The following CILK1 variants were observed in gnomAD, a reference collection of about 807,000 sequenced individuals.
CILK1 encodes the protein serine/threonine-protein kinase ICK.
Under a neutral mutation model 79.2 loss-of-function variants are expected in CILK1, and 47 were observed. The ratio of observed to expected loss-of-function variants is 0.59; its 90% CI spans 0.47 to 0.76. CILK1 has a LOEUF of 0.76. Among genes scored for constraint, CILK1 ranks in the 30% least tolerant of loss-of-function variants. The pLI, the probability that CILK1 is intolerant of heterozygous loss-of-function variation, is 0.00. For missense variants in CILK1, 660 were observed against 769.5 expected, an observed-to-expected ratio of 0.86 and a Z score of 1.68; for synonymous variants, 266 against 275.9, an observed-to-expected ratio of 0.96 and a Z score of 0.36.
chr6:53,025,052 C>T (rs1381402286), intron 5 of CILK1, among the ~76,000 whole-genome samples: 1 of 152,034 alleles, frequency 6.6e-6, no homozygotes, highest in Non-Finnish European at 1.5e-5. Flanking sequence ...AAGCTGGTCT[C>T]CAACTCCTGG....
chr6:53,020,290 AAT>A (rs2127421623), intron 5 of CILK1, among the ~76,000 whole-genome samples: 1 of 152,310 alleles, frequency 6.6e-6, no homozygotes, highest in Non-Finnish European at 1.5e-5. Context: ...AGTGAATTGC[AAT>A]ATATGTCTCT....
At chr6:53,021,653 T>G (rs1176959710) in intron 5 of CILK1, among the ~76,000 whole-genome samples, 1 of 152,180 alleles carries the variant, frequency 6.6e-6, no homozygotes, top group African/African-American at 2.4e-5. Context: ...TGTACAGTCA[T>G]GCACTGCATA....
At chr6:53,039,295 G>A (rs889552863) in intron 2 of CILK1, among the ~76,000 whole-genome samples, 14 of 152,292 alleles carry the variant, frequency 9.2e-5, no homozygotes, top group East Asian at 1.9e-4. Flanking sequence ...TGAACCTGAC[G>A]GGAGCAGTGG....
At chr6:53,028,699 T>C (rs1485484475) in intron 5 of CILK1, among the ~76,000 whole-genome samples, 1 of 152,202 alleles carries the variant, frequency 6.6e-6, no homozygotes, top group African/African-American at 2.4e-5. Flanking sequence ...CTCCATAAAC[T>C]GAGCCTTCCC....
rs1470334251 is a variant in CILK1, at chr6:53,049,441, T to G, written c.-172-8033A>C. 6.6e-5 allele frequency among the ~76,000 whole-genome samples: 10 copies of G among 152,334 alleles called. No homozygotes were observed. The East Asian group carries it at 1.9e-3, about 29-fold the overall frequency. On this transcript the variant is annotated intron_variant, in intron 1 of 13. Coordinates refer to ENST00000676107, the MANE Select transcript of CILK1 (RefSeq NM_014920.5). ...GCTTCCATTTTGAAAGAAAATAAGA[T>G]GCAAGTAAGATACAAACCTATTGTG...
At chr6:53,054,960 T>C (rs1301110676) in intron 1 of CILK1, among the ~76,000 whole-genome samples, 1 of 152,236 alleles carries the variant, frequency 6.6e-6, no homozygotes, top group Non-Finnish European at 1.5e-5. Flanking sequence ...TCATTCTTTA[T>C]TTTGAAACCT....
intron 11 of CILK1, among the ~76,000 whole-genome samples, 191 bp downstream of exon 11, chr6:53,011,578 G>A (rs967428050): frequency 1.3e-5 from 2 of 152,120 alleles, no homozygotes; most frequent in Non-Finnish European, 2.9e-5. Flanking sequence ...CAGCCTGGGT[G>A]GCAGAGAGAG....
intron 3 of CILK1, among the ~76,000 whole-genome samples, chr6:53,035,251 C>A (rs751762959): frequency 6.6e-6 from 1 of 151,588 alleles, no homozygotes; most frequent in Non-Finnish European, 1.5e-5. Flanking sequence ...GGGAGAAGGG[C>A]TTGGGACTTT....
intron 5 of CILK1, among the ~76,000 whole-genome samples, 194 bp from the exon 6 acceptor site, chr6:53,019,553 T>C (rs1216398005): frequency 6.6e-6 from 1 of 152,258 alleles, no homozygotes; most frequent in African/African-American, 2.4e-5. Flanking sequence ...TTCATTTCCC[T>C]TTGCAAATCA....
intron 11 of CILK1, among the ~76,000 whole-genome samples, chr6:53,011,033 A>C (rs1346637755): frequency 1.3e-5 from 2 of 152,254 alleles, no homozygotes; most frequent in African/African-American, 4.8e-5. Flanking sequence ...TGAATGATTC[A>C]CTAATGCTGT....
At position 53,043,265 on chromosome 6, in the gene CILK1, G is replaced by A. The variant is rs1766829839; in HGVS notation, c.-172-1857C>T. ...CGGGAGGCACAGGCTGCAGTGAGCC[G>A]AGATCACGCCACTGCACGCCAGCCT... On this transcript the variant is annotated intron_variant, in intron 1 of 13. Transcript: ENST00000676107. 1.3e-5 allele frequency among the ~76,000 whole-genome samples: 2 copies of A among 151,912 alleles called. 1 individual carries two copies. The highest frequency in any genetic ancestry group is 4.2e-4 in the South Asian group (2 of 4,814).
rs767292630 is a variant in CILK1, at chr6:53,019,348, G to C, written c.370C>G (p.Arg124Gly). The C allele has an allele frequency of 6.2e-7, 1 of 1,614,048 alleles. No homozygotes were observed. The highest frequency in any genetic ancestry group is 1.7e-5 in the Admixed American group (1 of 60,030). ...AGGAGGTTCTCAGGCTTTAAGTCTC[G>C]ATGAAAGAAGCCTATAGAGACAGTA... is the stretch of plus-strand genomic sequence containing the variant. ...AFIHKHGFFH[R>G]DLKPENLLCM... The change falls in exon 6 of 14, where the codon CGA becomes GGA. Residue 124 changes from arginine (R) to glycine (G), a missense_variant. Arg to Gly is a moderately radical substitution (Grantham distance 125). Coordinates refer to ENST00000676107, the MANE Select transcript of CILK1 (RefSeq NM_014920.5).
intron 2 of CILK1, 21 bp downstream of exon 2, chr6:53,041,115 G>T (rs753963804): frequency 1.8e-5 from 27 of 1,463,720 alleles, no homozygotes; most frequent in Non-Finnish European, 2.6e-5. Context: ...AATTATCATG[G>T]CAGTGAAGGA....
At chr6:53,052,578 A>G (rs910424925) in intron 1 of CILK1, among the ~76,000 whole-genome samples, 1 of 152,046 alleles carries the variant, frequency 6.6e-6, no homozygotes, top group Non-Finnish European at 1.5e-5. Context: ...TAAAAATACA[A>G]AAATTAACCA....
intron 3 of CILK1, among the ~76,000 whole-genome samples, chr6:53,035,219 AG>A (rs1766246959): frequency 6.6e-6 from 1 of 152,130 alleles, no homozygotes; most frequent in Admixed American, 6.5e-5. Flanking sequence ...ATGTAAGAAA[AG>A]GAAAGAGGTA....
At chr6:53,031,165 C>G in intron 4 of CILK1, 21 bp from the exon 5 acceptor site, 1 of 1,490,794 alleles carries the variant, frequency 6.7e-7, no homozygotes, top group Non-Finnish European at 9.4e-7. Context: ...CAGAGGAAAA[C>G]AAAGTTATAA....
At chr6:53,024,036 G>A (rs1013869575) in intron 5 of CILK1, among the ~76,000 whole-genome samples, 4 of 152,194 alleles carry the variant, frequency 2.6e-5, no homozygotes, top group Non-Finnish European at 5.9e-5. Context: ...GCATTGATGA[G>A]ATCAAAAAAG....
chr6:53,024,767 C>A (rs1474024466), intron 5 of CILK1, among the ~76,000 whole-genome samples: 1 of 151,556 alleles, frequency 6.6e-6, no homozygotes. Context: ...CCAATTCCAC[C>A]AAGAAATGTG....
chr6:53,003,935 T>C lies in CILK1; in HGVS notation c.*1214A>G, dbSNP rs1483867366. 6.6e-6 allele frequency: 1 copy of C among 152,622 alleles called. No homozygotes were observed. The highest frequency in any genetic ancestry group is 1.5e-5 in the Non-Finnish European group (1 of 68,036). The allele number at this position is 152,622 out of a possible 1,614,324, so 9.5% of individuals were successfully genotyped here. On this transcript the variant is annotated 3_prime_UTR_variant, in exon 14 of 14. Coordinates refer to ENST00000676107, the MANE Select transcript of CILK1 (RefSeq NM_014920.5). ...TAGAGATGGATGAGACTGGACCTTT[T>C]GTCTTTTTCTGTCTCCAAACTGACT...
Sources: gnomAD v4.1 joint callset for allele counts (sites outside exome capture counted in the v4.1 genomes callset) on GRCh38, gnomAD v4.1.1 for gene constraint, MANE v1.5 for transcripts, NCBI Gene and HGNC (gene_info 2026-07-23, HGNC 2026-07-21) for gene names.